DNAH12: variants seen among roughly 807,000 people sequenced by gnomAD.
DNAH12 encodes the protein axonemal beta dynein heavy chain 12.
In DNAH12, 285 loss-of-function variants were observed where a neutral mutation model predicts 371.5. The ratio of observed to expected loss-of-function variants is 0.77; its 90% confidence interval spans 0.70 to 0.85. DNAH12 has a LOEUF of 0.85. Among genes scored for constraint, DNAH12 ranks in the 40% least tolerant of loss-of-function variants. The pLI is 0.00. For missense variants in DNAH12, 3,611 were observed against 3,689.4 expected (o/e 0.98, Z 0.55); for synonymous variants, 1,200 against 1,213.0 (o/e 0.99, Z 0.22).
At chr3:57,532,397 A>T (rs1437153901) in intron 2 of DNAH12, among the ~76,000 whole-genome samples, 1 of 152,026 alleles carries the variant, frequency 6.6e-6, no homozygotes, top group Admixed American at 6.6e-5. Context: ...TGATGCTTGT[A>T]GAAGTTCTTC....
At position 57,389,839 on chromosome 3, in the gene DNAH12, T is replaced by TATATATAA. The variant is rs1326237791; in HGVS notation, c.7305+2032_7305+2033insTTATATAT. 2.8e-3 allele frequency among the ~76,000 whole-genome samples: 234 copies of TATATATAA among 84,892 alleles called. 37 individuals carry two copies. Among genetic ancestry groups the TATATATAA allele is most frequent in the African/African-American group, 2.7e-3 (79 of 29,018 alleles). The allele number at this position is 84,892 out of a possible 152,430, so 55.7% of individuals were successfully genotyped here. On this transcript the variant is annotated intron_variant, in intron 45 of 73. Transcript: ENST00000495027. ...GTGTGTGTGTATATATATATATATA[T>TATATATAA]AATACTTTTTTTTTTGAAATGGAGT...
At chr3:57,538,790 T>C (rs911920547) in intron 2 of DNAH12, among the ~76,000 whole-genome samples, 4 of 152,238 alleles carry the variant, frequency 2.6e-5, no homozygotes, top group African/African-American at 9.6e-5. Flanking sequence ...CCTATAGCTT[T>C]AAAAATCATC....
intron 22 of DNAH12, 148 bp from the exon 23 acceptor site, chr3:57,455,042 C>T: frequency 1.5e-6 from 1 of 686,232 alleles, no homozygotes; most frequent in East Asian, 3.5e-5. Flanking sequence ...TAAAAGACTC[C>T]CTCCAAATTT....
chr3:57,294,117 T>A (rs747003679), intron 73 of DNAH12, 146 bp from the exon 74 acceptor site: 13 of 599,148 alleles, frequency 2.2e-5, no homozygotes, highest in African/African-American at 7.7e-5. Flanking sequence ...GCATATATAT[T>A]TTTTTACAGT....
At chr3:57,400,669 T>G (rs1311498995) in intron 43 of DNAH12, among the ~76,000 whole-genome samples, 2 of 152,256 alleles carry the variant, frequency 1.3e-5, no homozygotes, top group Non-Finnish European at 2.9e-5. Flanking sequence ...TCTCAAAATA[T>G]CTTATTGTAC....
intron 40 of DNAH12, among the ~76,000 whole-genome samples, chr3:57,407,213 A>G (rs1196436303): frequency 7.0e-6 from 1 of 142,082 alleles, no homozygotes; most frequent in Admixed American, 7.4e-5. Context: ...TTTTATTTGT[A>G]TGTGTTCTGT....
intron 42 of DNAH12, among the ~76,000 whole-genome samples, chr3:57,403,708 A>G (rs2063939847): frequency 6.6e-6 from 1 of 152,204 alleles, no homozygotes; most frequent in Non-Finnish European, 1.5e-5. Flanking sequence ...AAACTAATTA[A>G]AAGTTCAAAT....
chr3:57,413,699 A>T (rs1553683699), intron 39 of DNAH12, 47 bp downstream of exon 39: 2 of 1,500,866 alleles, frequency 1.3e-6, no homozygotes, highest in East Asian at 4.9e-5. Flanking sequence ...ACCTAAAATA[A>T]AAACTGAGGT....
intron 70 of DNAH12, among the ~76,000 whole-genome samples, chr3:57,297,645 C>T (rs2061260267): frequency 1.3e-5 from 2 of 152,048 alleles, no homozygotes; most frequent in African/African-American, 2.4e-5. Context: ...TGTGAGCCAC[C>T]GCGCCCGGCC....
At chr3:57,332,176 G>A (rs567907951) in intron 62 of DNAH12, among the ~76,000 whole-genome samples, 1 of 152,286 alleles carries the variant, frequency 6.6e-6, no homozygotes, top group African/African-American at 2.4e-5. Flanking sequence ...TAAACTAGAT[G>A]TATGAACATG....
At position 57,405,067 on chromosome 3, in the gene DNAH12, A is replaced by G. The variant is rs1553680585; in HGVS notation, c.6657T>C (p.Ile2219=). 6.5e-7 allele frequency: 1 copy of G among 1,546,804 alleles called. No individual in the cohort carries two copies. Among genetic ancestry groups the G allele is most frequent in the Non-Finnish European group, 8.7e-7 (1 of 1,145,520 alleles). ...PDLEGDDRVY[I]EIPNIHHFSD... ...TAAAATGATGAATATTTGGAATTTC[A>G]ATATAAACTCTATCATCTCCTTCAA... Residue 2219 remains isoleucine (I), a synonymous_variant, in exon 42 of 74, where the codon ATT becomes ATC. Coordinates refer to ENST00000495027, the MANE Select transcript of DNAH12 (RefSeq NM_001366028.2).
At chr3:57,553,033 G>T in the DNAH12 span, among the ~76,000 whole-genome samples, 1 of 151,778 alleles carries the variant, frequency 6.6e-6, no homozygotes, top group Non-Finnish European at 1.5e-5. Context: ...AACATTAGCT[G>T]GGTGTAGTGA....
chr3:57,325,334 A>C (rs1261162504), intron 62 of DNAH12, among the ~76,000 whole-genome samples: 3 of 152,170 alleles, frequency 2.0e-5, no homozygotes, highest in Non-Finnish European at 4.4e-5. Context: ...AGTAGGGGCA[A>C]ACTGACACCT....
At chr3:57,395,883 G>A (rs1304286685) in intron 43 of DNAH12, among the ~76,000 whole-genome samples, 1 of 151,920 alleles carries the variant, frequency 6.6e-6, no homozygotes, top group African/African-American at 2.4e-5. Context: ...CTTGAGCCTG[G>A]GAGGTTGAGG....
intron 62 of DNAH12, 55 bp from the exon 63 acceptor site, chr3:57,323,674 T>C (rs560717945): frequency 9.8e-6 from 14 of 1,422,534 alleles, no homozygotes; most frequent in South Asian, 3.3e-5. Context: ...ACATAATGGA[T>C]ATGAATATTA....
chr3:57,323,755 C>T, intron 62 of DNAH12, 136 bp from the exon 63 acceptor site: 2 of 878,628 alleles, frequency 2.3e-6, no homozygotes, highest in Non-Finnish European at 3.2e-6. Flanking sequence ...AGACAAAGCA[C>T]TAATTTCTCT....
chr3:57,427,882 A>C (rs2064830253), intron 34 of DNAH12, among the ~76,000 whole-genome samples: 1 of 152,000 alleles, frequency 6.6e-6, no homozygotes, highest in African/African-American at 2.4e-5. Flanking sequence ...TCTGGTCTCC[A>C]GAACTGTGAG....
chr3:57,413,945 T>C lies in DNAH12; in HGVS notation c.5854-33A>G, dbSNP rs1346508768. On this transcript the variant is annotated intron_variant, in intron 38 of 73. Transcript: ENST00000495027. ...ATGAAGGAAGAATGGTATATTTACC[T>C]ATAATTGAATTAGGGATTTATCATA... 1.1e-5 allele frequency: 17 copies of C among 1,527,296 alleles called. No homozygotes were observed. The East Asian group carries it at 3.9e-4, about 35-fold the overall frequency. The allele number at this position is 1,527,296 out of a possible 1,614,324, so 94.6% of individuals were successfully genotyped here.
At chr3:57,301,146 G>T (rs1031787381) in intron 70 of DNAH12, among the ~76,000 whole-genome samples, 2 of 151,510 alleles carry the variant, frequency 1.3e-5, no homozygotes, top group Admixed American at 6.6e-5. Flanking sequence ...AATTAGCCAC[G>T]TATGGTGGCA....
Sources: gnomAD v4.1 joint callset for allele counts (sites outside exome capture counted in the v4.1 genomes callset) on GRCh38, gnomAD v4.1.1 for gene constraint, MANE v1.5 for transcripts, NCBI Gene and HGNC (gene_info 2026-07-23, HGNC 2026-07-21) for gene names.